FOXN3: variants seen among roughly 807,000 people sequenced by gnomAD.
FOXN3 encodes the protein forkhead box N3.
Under a neutral mutation model 38.4 loss-of-function variants are expected in FOXN3, and 7 were observed. The ratio of observed to expected loss-of-function variants is 0.18; its 90% confidence interval spans 0.10 to 0.34. The LOEUF (loss-of-function observed/expected upper bound fraction) is 0.34. Among genes scored for constraint, FOXN3 ranks in the 10% least tolerant of loss-of-function variants. The pLI, the probability that FOXN3 is intolerant of heterozygous loss-of-function variation, is 1.00. For synonymous variants in FOXN3, 230 were observed against 242.2 expected (o/e 0.95, Z 0.47); for missense variants, 456 against 613.4 (o/e 0.74, Z 2.71).
chr14:89,182,012 A>T (rs998211437), intron 4 of FOXN3, among the ~76,000 whole-genome samples: 1 of 152,188 alleles, frequency 6.6e-6, no homozygotes, highest in Non-Finnish European at 1.5e-5. Context: ...GTGCCCATAT[A>T]GTCCCTGGCA....
Position 89,164,750 on chromosome 14 carries a change from C to T in FOXN3, c.852-1781G>A, listed in dbSNP as rs1887196761. Among the ~76,000 whole-genome samples, 1 of 152,158 alleles carries T rather than the reference C, an allele frequency of 6.6e-6. No homozygotes were observed. Among genetic ancestry groups the T allele is most frequent in the Non-Finnish European group, 1.5e-5 (1 of 68,034 alleles). On this transcript the variant is annotated intron_variant, in intron 5 of 5. Coordinates refer to ENST00000557258, the MANE Select transcript of FOXN3 (RefSeq NM_005197.4). The surrounding 1 kb of genome is among the most constrained non-coding windows in gnomAD (Gnocchi z 4.3). ...TGAGGATACGGCACTGGTAGAAGGG[C>T]TGTGGGGTCAGGACCACCAGTGAGA...
chr14:89,433,611 T>C (rs995096078), intron 1 of FOXN3, among the ~76,000 whole-genome samples: 1 of 152,108 alleles, frequency 6.6e-6, no homozygotes, highest in Non-Finnish European at 1.5e-5. Flanking sequence ...GTGACCAGCC[T>C]GGCCAACACG....
intron 4 of FOXN3, among the ~76,000 whole-genome samples, chr14:89,237,455 A>G (rs1251648970): frequency 3.9e-5 from 6 of 152,264 alleles, no homozygotes; most frequent in Non-Finnish European, 7.3e-5. Flanking sequence ...CATGCAATCA[A>G]CTTATGAACT....
chr14:89,191,367 C>T (rs772466376), intron 4 of FOXN3, among the ~76,000 whole-genome samples: 32 of 152,170 alleles, frequency 2.1e-4, no homozygotes, highest in Admixed American at 5.9e-4. Context: ...ACTAATAGTG[C>T]GGTGATGCCG....
intron 3 of FOXN3, among the ~76,000 whole-genome samples, chr14:89,325,314 G>GACCACCACC (rs774094314): frequency 1.4e-4 from 14 of 101,758 alleles, no homozygotes; most frequent in Middle Eastern, 4.8e-3. Context: ...CCACCACCAC[G>GACCACCACC]ACCACCACCA....
chr14:89,438,483 AGGCT>A (rs1436620504), intron 1 of FOXN3, among the ~76,000 whole-genome samples: 2 of 152,230 alleles, frequency 1.3e-5, no homozygotes, highest in Non-Finnish European at 2.9e-5. Context: ...CCAACCATTC[AGGCT>A]GGAGGAATAA....
chr14:89,547,719 G>GTAGA (rs1476276215), intron 1 of FOXN3, among the ~76,000 whole-genome samples: 1 of 152,156 alleles, frequency 6.6e-6, no homozygotes, highest in Non-Finnish European at 1.5e-5. Context: ...GCTACCACAG[G>GTAGA]TAGATACTAT....
intron 1 of FOXN3, among the ~76,000 whole-genome samples, chr14:89,505,867 G>C (rs531080257): frequency 1.3e-5 from 2 of 150,064 alleles, no homozygotes; most frequent in East Asian, 3.9e-4. Flanking sequence ...CTGAGATGTG[G>C]GGAGCGCCTC....
At chr14:89,329,095 C>T (rs1888162661) in intron 3 of FOXN3, among the ~76,000 whole-genome samples, 1 of 152,246 alleles carries the variant, frequency 6.6e-6, no homozygotes, top group African/African-American at 2.4e-5. Context: ...GGCCACCGAC[C>T]CTCACCACTG....
At chr14:89,355,797 A>C (rs1596210028) in intron 2 of FOXN3, among the ~76,000 whole-genome samples, 1 of 152,332 alleles carries the variant, frequency 6.6e-6, no homozygotes, top group East Asian at 1.9e-4. Context: ...GTATCCACTG[A>C]TCTAGGACAG....
chr14:89,526,193 G>C (rs438434), intron 1 of FOXN3, among the ~76,000 whole-genome samples: 59,041 of 151,918 alleles, frequency 0.39, 11,912 homozygotes, highest in East Asian at 0.6. Flanking sequence ...TGCTTCCCCT[G>C]TAAGATTAAA....
In FOXN3 at chr14:89,540,166, G is replaced by A. The variant is rs1018088037; in HGVS notation, c.-15+78862C>T. Among the ~76,000 whole-genome samples the A allele has an allele frequency of 3.3e-5, 5 of 152,326 alleles. No individual in the cohort carries two copies. The East Asian group carries it at 5.8e-4, about 18-fold the overall frequency. On this transcript the variant is annotated intron_variant, in intron 1 of 6. Transcript: ENST00000345097. ...TAGTAGAAGGTAATGCAATAACCAT[G>A]TGAAATTTACAGCAGACTTTAGGAT... is the stretch of plus-strand genomic sequence containing the variant.
chr14:89,539,657 T>C (rs1894757904), intron 1 of FOXN3, among the ~76,000 whole-genome samples: 1 of 152,184 alleles, frequency 6.6e-6, no homozygotes, highest in South Asian at 2.1e-4. Flanking sequence ...ATGGGAATAA[T>C]ATTAACTGCC....
intron 2 of FOXN3, among the ~76,000 whole-genome samples, chr14:89,360,550 C>T (rs1031117491): frequency 5.3e-4 from 44 of 83,532 alleles, no homozygotes; most frequent in East Asian, 5.0e-3. Context: ...GAGGGAGTGA[C>T]GGAAGGAGGT....
intron 1 of FOXN3, among the ~76,000 whole-genome samples, chr14:89,534,006 T>A (rs915832012): frequency 6.6e-6 from 1 of 152,066 alleles, no homozygotes; most frequent in East Asian, 1.9e-4. Context: ...TGTCACCTTG[T>A]TAATCATCCC....
At chr14:89,309,495 G>C (rs750704855) in intron 3 of FOXN3, among the ~76,000 whole-genome samples, 3 of 152,202 alleles carry the variant, frequency 2.0e-5, no homozygotes, top group Non-Finnish European at 4.4e-5. Context: ...TCACAGAAAA[G>C]TCTGTGCTTT....
chr14:89,597,355 A>G (rs1896077620), intron 1 of FOXN3, among the ~76,000 whole-genome samples: 1 of 152,160 alleles, frequency 6.6e-6, no homozygotes, highest in Admixed American at 6.5e-5. Context: ...TTCCATCAAT[A>G]TGTTAAGAGT....
intron 3 of FOXN3, among the ~76,000 whole-genome samples, chr14:89,306,708 C>G (rs1374970358): frequency 6.6e-6 from 1 of 152,040 alleles, no homozygotes; most frequent in Non-Finnish European, 1.5e-5. Flanking sequence ...GTTTTCTCCC[C>G]AAAAGACAAA....
At chr14:89,415,987 G>C (rs1376405414) in intron 1 of FOXN3, among the ~76,000 whole-genome samples, 1 of 151,950 alleles carries the variant, frequency 6.6e-6, no homozygotes, top group African/African-American at 2.4e-5. Flanking sequence ...GTAAACAGAA[G>C]GTCTCCAAAT....
Sources: gnomAD v4.1 joint callset for allele counts (sites outside exome capture counted in the v4.1 genomes callset) on GRCh38, gnomAD v4.1.1 for gene constraint, Gnocchi (gnomAD v3.1) non-coding constraint, MANE v1.5 for transcripts, NCBI Gene and HGNC (gene_info 2026-07-23, HGNC 2026-07-21) for gene names.